The following PHLDB2 variants were observed in gnomAD, a reference collection of about 807,000 sequenced individuals.
PHLDB2 encodes pleckstrin homology like domain family B member 2.
Under a neutral mutation model 123.6 loss-of-function variants are expected in PHLDB2, and 71 were observed. The ratio of observed to expected loss-of-function variants is 0.57; its 90% CI spans 0.47 to 0.70. The LOEUF (loss-of-function observed/expected upper bound fraction) is 0.70. Among genes scored for constraint, PHLDB2 ranks in the 30% least tolerant of loss-of-function variants. The probability of loss-of-function intolerance (pLI) is 0.00; values close to 1 mark genes in which losing one functional copy is unlikely to be tolerated. For synonymous variants in PHLDB2, 547 were observed against 541.6 expected, an observed-to-expected ratio of 1.01 and a Z score of -0.14; for missense variants, 1,446 against 1,519.5, an observed-to-expected ratio of 0.95 and a Z score of 0.80.
At chr3:111,886,754 G>A (rs559496610) in intron 2 of PHLDB2, among the ~76,000 whole-genome samples, 11 of 152,128 alleles carry the variant, frequency 7.2e-5, no homozygotes, top group Non-Finnish European at 1.2e-4. Flanking sequence ...CTTTGAGTGG[G>A]TCAGTTATAC....
In PHLDB2 at chr3:111,880,685, T is replaced by C. The variant is rs1364070591; in HGVS notation, c.-14-3379T>C. Among the ~76,000 whole-genome samples, 3 of 152,256 alleles carry C rather than the reference T, an allele frequency of 2.0e-5. No individual in the cohort carries two copies. In the East Asian group the frequency reaches 5.8e-4, roughly 29 times the overall value. ...TAGTGAATGTCCTTTGTGGCATTTTTTTTTTTTCAAGATCGGGCAAATTTT... is the reference window on the plus strand; with the variant it reads ...TAGTGAATGTCCTTTGTGGCATTTTCTTTTTTTCAAGATCGGGCAAATTTT... On this transcript the variant is annotated intron_variant, in intron 1 of 17. Coordinates refer to ENST00000431670, the MANE Select transcript of PHLDB2 (RefSeq NM_001134438.2).
intron 1 of PHLDB2, chr3:111,845,723 A>G: frequency 2.9e-6 from 4 of 1,378,616 alleles, no homozygotes; most frequent in Non-Finnish European, 4.0e-6. Context: ...CGGATGTTAA[A>G]CATCTGAGTT....
At chr3:111,883,083 A>G (rs1306428775) in intron 1 of PHLDB2, among the ~76,000 whole-genome samples, 1 of 152,170 alleles carries the variant, frequency 6.6e-6, no homozygotes, top group Non-Finnish European at 1.5e-5. Context: ...TTCAGTGACA[A>G]TGTTTAAACT....
chr3:111,799,767 A>G (rs1038750862), intron 1 of PHLDB2, among the ~76,000 whole-genome samples: 1 of 152,200 alleles, frequency 6.6e-6, no homozygotes, highest in African/African-American at 2.4e-5. Flanking sequence ...AAACAATGTT[A>G]TGTATTCATC....
chr3:111,904,276 T>TTAAAAAAAAAAAAAA (rs1368088646), intron 2 of PHLDB2, among the ~76,000 whole-genome samples: 22 of 11,042 alleles, frequency 2.0e-3, no homozygotes, highest in African/African-American at 3.7e-3. Context: ...AGACCCTGTC[T>TTAAAAAAAAAAAAAA]CAAAAAAAAA....
At chr3:111,838,218 C>T (rs1056215097) in intron 1 of PHLDB2, among the ~76,000 whole-genome samples, 6 of 152,078 alleles carry the variant, frequency 3.9e-5, no homozygotes, top group African/African-American at 7.2e-5. Flanking sequence ...CCAGGCTTGT[C>T]GCAAACTCCT....
chr3:111,828,706 G>A (rs1465151644), intron 1 of PHLDB2, among the ~76,000 whole-genome samples: 1 of 152,126 alleles, frequency 6.6e-6, no homozygotes, highest in East Asian at 1.9e-4. Context: ...ATTTGAGCCT[G>A]GAGGCAGAGG....
upstream of PHLDB2, among the ~76,000 whole-genome samples, chr3:111,857,732 T>G (rs1277406112): frequency 6.6e-6 from 1 of 152,078 alleles, no homozygotes; most frequent in Admixed American, 6.5e-5. Flanking sequence ...ATTACAGAAA[T>G]GCAAATCAAA....
At chr3:111,934,044 T>A (rs932607190) in intron 6 of PHLDB2, among the ~76,000 whole-genome samples, 2 of 152,216 alleles carry the variant, frequency 1.3e-5, no homozygotes, top group Admixed American at 6.5e-5. Context: ...AGTTATATGT[T>A]CCAAAGATTC....
chr3:111,949,597 C>T (rs1251499134), intron 10 of PHLDB2: 1 of 633,648 alleles, frequency 1.6e-6, no homozygotes, highest in African/African-American at 2.0e-5. Flanking sequence ...ATTGTAACTT[C>T]TTAATTAAAA....
At chr3:111,840,125 G>T (rs1011742504) in intron 1 of PHLDB2, among the ~76,000 whole-genome samples, 7 of 151,592 alleles carry the variant, frequency 4.6e-5, no homozygotes, top group African/African-American at 7.3e-5. Context: ...AGTGGTACAT[G>T]CCTGTAGTCC....
intron 1 of PHLDB2, among the ~76,000 whole-genome samples, chr3:111,741,559 G>C (rs2059605655): frequency 6.6e-6 from 1 of 151,638 alleles, no homozygotes; most frequent in South Asian, 2.1e-4. Context: ...GTGTGTGTCT[G>C]TGTGTGTGTG....
rs994748815 is a variant in PHLDB2 at position 111,745,039 on chromosome 3, C to G, written c.-49+12336C>G. 2.0e-5 allele frequency among the ~76,000 whole-genome samples: 3 copies of G among 152,120 alleles called. No homozygotes were observed. In the South Asian group the frequency reaches 6.2e-4, roughly 32 times the overall value. On this transcript the variant is annotated intron_variant, in intron 1 of 17. Coordinates refer to the PHLDB2 transcript ENST00000393923. Reference sequence around the variant, plus strand: ...ATAAATTTAAAACCAAAAGAATAAGCTCATAACAGAGAAGAAAGAAGGGGC... The same window carrying G: ...ATAAATTTAAAACCAAAAGAATAAGGTCATAACAGAGAAGAAAGAAGGGGC...
intron 1 of PHLDB2, among the ~76,000 whole-genome samples, chr3:111,734,182 G>A (rs1047697495): frequency 2.6e-5 from 4 of 152,208 alleles, no homozygotes; most frequent in Non-Finnish European, 5.9e-5. Context: ...ATTAAGCACT[G>A]CAAAATGTTA....
At chr3:111,944,216 A>G (rs1236033342) in intron 8 of PHLDB2, among the ~76,000 whole-genome samples, 1 of 152,212 alleles carries the variant, frequency 6.6e-6, no homozygotes, top group East Asian at 1.9e-4. Context: ...GGAAATCAGA[A>G]CAATGCTTGC....
rs1036976125 is a variant in PHLDB2 at position 111,884,187 on chromosome 3, G to A, written c.110G>A (p.Ser37Asn). The A allele has an allele frequency of 6.2e-7, 1 of 1,614,162 alleles. No individual in the cohort carries two copies. Among genetic ancestry groups the A allele is most frequent in the South Asian group, 1.1e-5 (1 of 91,068 alleles). Residue 37 changes from serine (S) to asparagine (N), a missense_variant, in exon 2 of 18, where the codon AGC becomes AAC. Ser to Asn is a conservative substitution (Grantham distance 46). Coordinates refer to ENST00000431670, the MANE Select transcript of PHLDB2 (RefSeq NM_001134438.2). ...AACGATTCCCAAAACATGATGGAGA[G>A]CCTCAGCCCAAAGAAATACTCTTCC... Reference protein sequence around the residue: ...VENDSQNMMESLSPKKYSSSL... With the variant: ...VENDSQNMMENLSPKKYSSSL...
intron 2 of PHLDB2, among the ~76,000 whole-genome samples, chr3:111,901,552 C>T (rs2067207673): frequency 6.7e-6 from 1 of 149,654 alleles, no homozygotes; most frequent in African/African-American, 2.4e-5. Context: ...GATATGTTTT[C>T]AAACATCAGG....
chr3:111,883,924 T>A, intron 1 of PHLDB2, 140 bp from the exon 2 acceptor site: 1 of 756,438 alleles, frequency 1.3e-6, no homozygotes, highest in Non-Finnish European at 2.1e-6. Context: ...TTTTAACAGG[T>A]TTTTTAGTAA....
At chr3:111,790,497 A>ATC in intron 1 of PHLDB2, among the ~76,000 whole-genome samples, 1 of 152,152 alleles carries the variant, frequency 6.6e-6, no homozygotes, top group African/African-American at 2.4e-5. Context: ...AGGCATTAGG[A>ATC]GTTGCTCAGT....
Sources: gnomAD v4.1 joint callset for allele counts (sites outside exome capture counted in the v4.1 genomes callset) on GRCh38, gnomAD v4.1.1 for gene constraint, MANE v1.5 for transcripts, NCBI Gene and HGNC (gene_info 2026-07-23, HGNC 2026-07-21) for gene names.